IDUA: variants seen among roughly 807,000 people sequenced by gnomAD.
The protein encoded by IDUA is iduronidase alpha-L-.
IDUA carries 65 observed loss-of-function variants against 68.9 expected under a neutral mutation model. The ratio of observed to expected loss-of-function variants is 0.94; its 90% CI spans 0.77 to 1.16. The LOEUF (loss-of-function observed/expected upper bound fraction) is 1.16, where lower values mean the gene tolerates loss of function less well. Among genes scored for constraint, IDUA ranks in the 50% most tolerant of loss-of-function variants. The pLI, the probability that IDUA is intolerant of heterozygous loss-of-function variation, is 0.00. For missense variants in IDUA, 1,046 were observed against 938.0 expected (o/e 1.12, Z -1.50); for synonymous variants, 529 against 433.6 (o/e 1.22, Z -2.73).
chr4:1,001,111 G>A (rs1267351556), intron 4 of IDUA, 122 bp downstream of exon 4: 4 of 740,538 alleles, frequency 5.4e-6, no homozygotes, highest in Non-Finnish European at 7.0e-6. Flanking sequence ...GCAGGCCCTT[G>A]TGGGGGGATG....
chr4:1,001,025 C>T (rs764687976), intron 4 of IDUA, 36 bp downstream of exon 4: 47 of 1,462,432 alleles, frequency 3.2e-5, no homozygotes, highest in Middle Eastern at 1.7e-4. Flanking sequence ...CTGGCCGGGG[C>T]GGGGGTACTC....
At chr4:990,994 C>G (rs1714252444) in intron 2 of IDUA, 1 of 948,606 alleles carries the variant, frequency 1.1e-6, no homozygotes, top group Non-Finnish European at 1.5e-6. Flanking sequence ...CCCAGCTCTG[C>G]CCAAGCCTTG....
rs371671953 is a variant in IDUA, at chr4:1,003,592, T to C, written c.1694T>C (p.Val565Ala). ...RALPLTQGQL[V>A]LVWSDEHVGS... ...CTGCCCCTGACCCAAGGGCAGCTGG[T>C]TCTGGTCTGGTCGGATGAACACGTG... is the stretch of plus-strand genomic sequence containing the variant. The change falls in exon 12 of 14, where the codon GTT becomes GCT. Residue 565 changes from valine to alanine, a missense_variant. Physicochemically the swap from Val to Ala is moderately conservative, Grantham distance 64. Transcript: ENST00000514224. 24 of 1,611,976 alleles carry C rather than the reference T, an allele frequency of 1.5e-5. No individual in the cohort carries two copies. Among genetic ancestry groups the C allele is most frequent in the Non-Finnish European group, 2.0e-5 (24 of 1,179,752 alleles).
At chr4:993,591 C>T (rs958492997) in intron 2 of IDUA, among the ~76,000 whole-genome samples, 25 of 152,226 alleles carry the variant, frequency 1.6e-4, no homozygotes, top group Non-Finnish European at 3.1e-4. Flanking sequence ...GAGCTCCCAG[C>T]CTCCCAGGAG....
rs752458996 is a variant in IDUA at position 990,196 on chromosome 4, G to C, written c.299+2247G>C. 3.8e-6 allele frequency: 6 copies of C among 1,561,790 alleles called. No individual in the cohort carries two copies. The Admixed American group carries it at 7.7e-5, about 20-fold the overall frequency. ...GGCGCCGCGCAGCAGGCTCAGCCATGTGAGGACCACCATGCCGGGCCCCTG... is the reference window on the plus strand; with the variant it reads ...GGCGCCGCGCAGCAGGCTCAGCCATCTGAGGACCACCATGCCGGGCCCCTG... On this transcript the variant is annotated intron_variant, in intron 2 of 13. Coordinates refer to ENST00000514224, the MANE Select transcript of IDUA (RefSeq NM_000203.5).
rs1485137129 is a variant in IDUA at position 988,079 on chromosome 4, C to T, written c.299+130C>T. On this transcript the variant is annotated intron_variant, in intron 2 of 13. Transcript: ENST00000514224. ...CGCCGAAGCACCCTGTTGGGGAGAG[C>T]GTGTCCTTGCTGGCTGTGCTGGGGT... 1.5e-5 allele frequency: 22 copies of T among 1,455,372 alleles called. No homozygotes were observed. In the East Asian group the frequency reaches 2.3e-4, roughly 15 times the overall value. 90.2% of individuals were successfully genotyped at this position (1,455,372 alleles called of 1,614,324 possible).
At chr4:1,002,192 C>T (rs1376931846) in intron 7 of IDUA, 31 bp downstream of exon 7, 3 of 1,563,786 alleles carry the variant, frequency 1.9e-6, no homozygotes, top group Non-Finnish European at 2.6e-6. Flanking sequence ...GCGCGCCCCC[C>T]GGCCACCTTC....
chr4:987,265 G>C (rs1162512463), intron 1 of IDUA, 23 bp downstream of exon 1: 2 of 1,512,806 alleles, frequency 1.3e-6, no homozygotes, highest in Non-Finnish European at 1.8e-6. Flanking sequence ...CGGCCTCCGG[G>C]ACCCCCTGGC....
rs201921976 is a variant in IDUA, at chr4:991,304, C to T, written c.299+3355C>T. ...TGGAGCTCCCGGTCCACCACCTGCCCCACCATGAGGCAAAGCAGGCTGAAG... is the reference window on the plus strand; with the variant it reads ...TGGAGCTCCCGGTCCACCACCTGCCTCACCATGAGGCAAAGCAGGCTGAAG... On this transcript the variant is annotated intron_variant, in intron 2 of 13. Coordinates refer to ENST00000514224, the MANE Select transcript of IDUA (RefSeq NM_000203.5). 472 of 1,612,672 alleles carry T rather than the reference C, an allele frequency of 2.9e-4. No homozygotes were observed. Among genetic ancestry groups the T allele is most frequent in the Non-Finnish European group, 3.8e-4 (445 of 1,179,926 alleles).
chr4:990,150 G>A lies in IDUA; in HGVS notation c.299+2201G>A, dbSNP rs972423931. The A allele has an allele frequency of 2.6e-6, 4 of 1,564,954 alleles. No individual in the cohort carries two copies. Among genetic ancestry groups the A allele is most frequent in the Admixed American group, 1.9e-5 (1 of 52,924 alleles). On this transcript the variant is annotated intron_variant, in intron 2 of 13. Coordinates refer to ENST00000514224, the MANE Select transcript of IDUA (RefSeq NM_000203.5). ...CCAGGCACACCGTGCTGGTGACCACGTCGCACACGTTGGCCTGCCCGGCGC... is the reference window on the plus strand; with the variant it reads ...CCAGGCACACCGTGCTGGTGACCACATCGCACACGTTGGCCTGCCCGGCGC...
intron 7 of IDUA, 27 bp downstream of exon 7, chr4:1,002,188 C>T: frequency 1.9e-6 from 3 of 1,561,914 alleles, no homozygotes; most frequent in Non-Finnish European, 2.6e-6. Flanking sequence ...CCCTGCGCGC[C>T]CCCCGGCCAC....
At chr4:989,725 T>C (rs1418933078) in intron 2 of IDUA, 8 of 1,558,062 alleles carry the variant, frequency 5.1e-6, no homozygotes, top group Non-Finnish European at 6.9e-6. Context: ...AGTGGCTGTC[T>C]TCACCAGGCT....
chr4:999,741 C>A (rs560686332), intron 2 of IDUA: 20 of 133,142 alleles, frequency 1.5e-4, no homozygotes, highest in African/African-American at 5.6e-4. Flanking sequence ...GCAGGGCGGC[C>A]CCCTTCTCCC....
At chr4:990,503 A>AC in intron 2 of IDUA, 1 of 810,850 alleles carries the variant, frequency 1.2e-6, no homozygotes, top group African/African-American at 1.7e-5. Flanking sequence ...GTTCCAAACC[A>AC]GACTCCTCAC....
Position 1,002,814 on chromosome 4 carries a change from C to A in IDUA, c.1272C>A (p.Ala424=). Residue 424 remains alanine (A), a synonymous_variant, in exon 9 of 14, where the codon GCC becomes GCA. Coordinates refer to ENST00000514224, the MANE Select transcript of IDUA (RefSeq NM_000203.5). Reference sequence around the variant, plus strand: ...ACACGGTGGGCGTCCTGGCCAGCGCCCACCGCCCCCAGGGCCCGGCCGACG... The same window carrying A: ...ACACGGTGGGCGTCCTGGCCAGCGCACACCGCCCCCAGGGCCCGGCCGACG... ...SNHTVGVLAS[A]HRPQGPADAW... is the part of the protein sequence containing the mutation. 2.1e-6 allele frequency: 3 copies of A among 1,458,712 alleles called. No homozygotes were observed. Among genetic ancestry groups the A allele is most frequent in the Non-Finnish European group, 2.7e-6 (3 of 1,111,360 alleles). 90.4% of individuals were successfully genotyped at this position (1,458,712 alleles called of 1,614,324 possible). A position where few individuals can be genotyped will look rare whatever the true frequency, so the allele number is the denominator to read the frequency against.
At chr4:997,605 G>A (rs1227086608) in intron 2 of IDUA, among the ~76,000 whole-genome samples, 1 of 152,024 alleles carries the variant, frequency 6.6e-6, no homozygotes, top group Non-Finnish European at 1.5e-5. Flanking sequence ...TACAAGGGCT[G>A]ACGCGCCCCC....
Position 987,876 on chromosome 4 carries a change from T to C in IDUA, c.226T>C (p.Tyr76His). The C allele has an allele frequency of 6.2e-7, 1 of 1,612,044 alleles. No individual in the cohort carries two copies. Among genetic ancestry groups the C allele is most frequent in the South Asian group, 1.1e-5 (1 of 90,950 alleles). The change falls in exon 2 of 14, where the codon TAT (tyrosine) becomes CAT (histidine). Residue 76 changes from tyrosine to histidine, a missense_variant. Physicochemically the swap from Tyr to His is moderately conservative, Grantham distance 83. Transcript: ENST00000514224. Reference sequence around the variant, plus strand: ...CTGGGACCAGCAGCTCAACCTCGCCTATGTGGGCGCCGTCCCTCACCGCGG... The same window carrying C: ...CTGGGACCAGCAGCTCAACCTCGCCCATGTGGGCGCCGTCCCTCACCGCGG... The part of the protein sequence containing the change: ...LSWDQQLNLA[Y>H]VGAVPHRGIK...
Position 1,001,992 on chromosome 4 carries a change from G to A in IDUA, c.803G>A (p.Ser268Asn). 1 of 1,587,332 alleles carries A rather than the reference G, an allele frequency of 6.3e-7. No individual in the cohort carries two copies. The highest frequency in any genetic ancestry group is 8.6e-7 in the Non-Finnish European group (1 of 1,168,746). ...YISLHRKGAR[S>N]SISILEQEKV... ...CGGCCCCGCCCGCAGGGTGCGCGCA[G>A]CTCCATCTCCATCCTGGAGCAGGAG... is the stretch of plus-strand genomic sequence containing the variant. Residue 268 changes from serine to asparagine, a missense_variant, in exon 7 of 14, where the codon AGC becomes AAC. Physicochemically the swap from Ser to Asn is conservative, Grantham distance 46. Transcript: ENST00000514224.
At chr4:991,940 G>A (rs1462465753) in intron 2 of IDUA, 21 of 866,696 alleles carry the variant, frequency 2.4e-5, no homozygotes, top group Non-Finnish European at 3.5e-5. Flanking sequence ...TCCATCGTGA[G>A]GTGAGATGGG....
Sources: allele counts gnomAD v4.1 joint callset (sites outside exome capture counted in the v4.1 genomes callset), GRCh38; gene constraint gnomAD v4.1.1; transcripts MANE v1.5; gene names NCBI Gene and HGNC (gene_info 2026-07-23, HGNC 2026-07-21).